The following LMO7 variants were observed in gnomAD, a reference collection of about 807,000 sequenced individuals.
LMO7 encodes the protein LIM domain 7.
Under a neutral mutation model 206.5 loss-of-function variants are expected in LMO7, and 120 were observed. The ratio of observed to expected loss-of-function variants is 0.58; its 90% CI spans 0.50 to 0.68. The LOEUF is 0.68. Among genes scored for constraint, LMO7 ranks in the 30% least tolerant of loss-of-function variants. The pLI, the probability that LMO7 is intolerant of heterozygous loss-of-function variation, is 0.00. For synonymous variants in LMO7, 706 were observed against 681.5 expected (o/e 1.04, Z -0.56); for missense variants, 1,959 against 1,957.9 (o/e 1.00, Z -0.01).
chr13:75,679,695 C>G (rs2040313745), intron 1 of LMO7, among the ~76,000 whole-genome samples: 1 of 152,148 alleles, frequency 6.6e-6, no homozygotes, highest in Non-Finnish European at 1.5e-5. Context: ...ATCCTCCTGC[C>G]TCAACCCCCA....
upstream of LMO7, among the ~76,000 whole-genome samples, chr13:75,633,432 C>T (rs1041708182): frequency 4.6e-5 from 7 of 152,112 alleles, no homozygotes; most frequent in South Asian, 2.1e-4. Flanking sequence ...CACCCCAGTA[C>T]GGAAGAATGT....
At chr13:75,800,165 G>T (rs2054550176) in intron 6 of LMO7, among the ~76,000 whole-genome samples, 1 of 152,138 alleles carries the variant, frequency 6.6e-6, no homozygotes, top group Non-Finnish European at 1.5e-5. Flanking sequence ...ATTTTTCTGG[G>T]GGGAGAGTTA....
chr13:75,765,510 A>G (rs2048748668), intron 4 of LMO7, among the ~76,000 whole-genome samples: 1 of 152,036 alleles, frequency 6.6e-6, no homozygotes, highest in Admixed American at 6.6e-5. Context: ...GCATAAAATG[A>G]AAAGGAAGTT....
At chr13:75,842,110 G>T in intron 24 of LMO7, 127 bp downstream of exon 24, 2 of 687,368 alleles carry the variant, frequency 2.9e-6, no homozygotes, top group East Asian at 2.7e-5. Context: ...CCACCAAAGA[G>T]AACCTTTAAA....
intron 3 of LMO7, among the ~76,000 whole-genome samples, chr13:75,745,279 C>T (rs1448521885): frequency 6.6e-6 from 1 of 152,092 alleles, no homozygotes; most frequent in African/African-American, 2.4e-5. Flanking sequence ...CTACATTTTA[C>T]TTAAAGTATT....
intron 24 of LMO7, among the ~76,000 whole-genome samples, chr13:75,842,422 C>T (rs2059623186): frequency 6.6e-6 from 1 of 152,092 alleles, no homozygotes; most frequent in Non-Finnish European, 1.5e-5. Context: ...AACATCACCT[C>T]CTTAGACTTT....
intron 2 of LMO7, among the ~76,000 whole-genome samples, chr13:75,722,820 C>A (rs9565192): frequency 0.046 from 6,969 of 152,134 alleles, 416 homozygotes; most frequent in African/African-American, 0.13. Flanking sequence ...TATGCATATA[C>A]CATGGAATAC....
chr13:75,724,843 A>G (rs1210082027), intron 2 of LMO7, among the ~76,000 whole-genome samples: 2 of 151,846 alleles, frequency 1.3e-5, no homozygotes, highest in Non-Finnish European at 2.9e-5. Context: ...AATAAAACAG[A>G]GTTTTCCTTT....
chr13:75,683,064 CTT>C (rs1025775588), intron 1 of LMO7, among the ~76,000 whole-genome samples: 5 of 137,588 alleles, frequency 3.6e-5, no homozygotes, highest in South Asian at 2.3e-4. Flanking sequence ...CTTTTTTTTT[CTT>C]TTTTTTTTTT....
chr13:75,814,942 T>C (rs1213639073), intron 11 of LMO7, among the ~76,000 whole-genome samples: 1 of 152,030 alleles, frequency 6.6e-6, no homozygotes, highest in East Asian at 1.9e-4. Flanking sequence ...AGTGGGGGCA[T>C]GGTACTGATG....
At position 75,800,710 on chromosome 13, in the gene LMO7, A is replaced by G; in HGVS notation, c.489A>G (p.Lys163=). The G allele has an allele frequency of 6.2e-7, 1 of 1,614,102 alleles. No individual in the cohort carries two copies. ...TKALEDSSFL[K]RSGRDSGYGD... is the part of the protein sequence containing the mutation. ...CACTCGAAGACTCCAGCTTCCTGAA[A>G]AGAAGTGGCAGGGACAGTGGCTACG... Residue 163 remains lysine, a synonymous_variant, in exon 7 of 31, where the codon AAA becomes AAG. Transcript: ENST00000377534.
intron 1 of LMO7, among the ~76,000 whole-genome samples, chr13:75,663,432 C>CTTTCTTTCTTTCTTTCTTTCTTTTT (rs1555289857): frequency 1.8e-5 from 2 of 111,408 alleles, no homozygotes; most frequent in African/African-American, 7.5e-5. Flanking sequence ...TTCTTTCTTT[C>CTTTCTTTCTTTCTTTCTTTCTTTTT]TTTTTTTTTT....
At chr13:75,695,631 T>C (rs542186480) in intron 1 of LMO7, among the ~76,000 whole-genome samples, 20 of 152,278 alleles carry the variant, frequency 1.3e-4, no homozygotes, top group South Asian at 1.0e-3. Flanking sequence ...AGGCGTGAGC[T>C]ACCACGCCTG....
chr13:75,801,858 G>A (rs2054776739), intron 7 of LMO7, among the ~76,000 whole-genome samples: 1 of 152,122 alleles, frequency 6.6e-6, no homozygotes, highest in Non-Finnish European at 1.5e-5. Context: ...TCAAAAATCA[G>A]CAAACTTAAA....
chr13:75,833,228 G>C (rs904434516), intron 16 of LMO7, 63 bp downstream of exon 16: 7 of 971,796 alleles, frequency 7.2e-6, no homozygotes, highest in Admixed American at 5.2e-5. Context: ...TTGTGGGGTT[G>C]GGGACCACAG....
chr13:75,636,600 G>A lies in LMO7; in HGVS notation c.-58G>A. The A allele has an allele frequency of 6.5e-7, 1 of 1,544,306 alleles. No homozygotes were observed. Among genetic ancestry groups the A allele is most frequent in the Non-Finnish European group, 8.7e-7 (1 of 1,146,870 alleles). ...CCCGCCCGTGGGGCCCAGACGCGCG[G>A]GGACAACCCCTCCCCTCCACGCATC... On this transcript the variant is annotated 5_prime_UTR_variant, in exon 1 of 31. Coordinates refer to ENST00000377534, the MANE Select transcript of LMO7 (RefSeq NM_001306080.2).
At chr13:75,834,521 T>C (rs961963332) in intron 17 of LMO7, 134 bp downstream of exon 17, 9 of 609,486 alleles carry the variant, frequency 1.5e-5, no homozygotes, top group Non-Finnish European at 2.4e-5. Context: ...TGTAGTTACG[T>C]CATGACAAAT....
chr13:75,751,581 C>T (rs918259284), intron 3 of LMO7, among the ~76,000 whole-genome samples: 22 of 152,166 alleles, frequency 1.4e-4, no homozygotes, highest in African/African-American at 4.1e-4. Context: ...CAGGTGGTGT[C>T]GTTCTGGGAG....
intron 4 of LMO7, among the ~76,000 whole-genome samples, chr13:75,775,338 C>A (rs1167960281): frequency 6.6e-6 from 1 of 151,932 alleles, no homozygotes; most frequent in South Asian, 2.1e-4. Context: ...AAATGTAAGG[C>A]CTGAAACTAT....
Sources: gnomAD v4.1 joint callset for allele counts (sites outside exome capture counted in the v4.1 genomes callset) on GRCh38, gnomAD v4.1.1 for gene constraint, MANE v1.5 for transcripts, NCBI Gene and HGNC (gene_info 2026-07-23, HGNC 2026-07-21) for gene names.